TBC1D1: variants seen among roughly 807,000 people sequenced by gnomAD.
TBC1D1 encodes TBC1 (tre-2/USP6, BUB2, cdc16) domain family, member 1.
TBC1D1 carries 89 observed loss-of-function variants against 125.6 expected under a neutral mutation model. The ratio of observed to expected loss-of-function variants is 0.71; its 90% CI spans 0.60 to 0.85. The LOEUF (loss-of-function observed/expected upper bound fraction) is 0.85, where lower values mean the gene tolerates loss of function less well. TBC1D1 is among the 40% of genes least tolerant of loss of function. The pLI, the probability that TBC1D1 is intolerant of heterozygous loss-of-function variation, is 0.00. For missense variants in TBC1D1, 1,377 were observed against 1,469.2 expected, an observed-to-expected ratio of 0.94 and a Z score of 1.03; for synonymous variants, 565 against 564.1, an observed-to-expected ratio of 1.00 and a Z score of -0.02.
At chr4:38,110,326 T>C (rs1761998836) in intron 15 of TBC1D1, 2 of 982,396 alleles carry the variant, frequency 2.0e-6, no homozygotes, top group East Asian at 2.3e-4. Context: ...CTGCTGCTTA[T>C]TGAGTTTCTG....
At chr4:37,981,585 G>A (rs1787549971) in intron 2 of TBC1D1, among the ~76,000 whole-genome samples, 1 of 152,176 alleles carries the variant, frequency 6.6e-6, no homozygotes, top group Non-Finnish European at 1.5e-5. Context: ...GGCTGGGGTG[G>A]TGCAGGGGTG....
At chr4:38,133,403 C>T (rs1765937607) in intron 19 of TBC1D1, 146 bp downstream of exon 21, 9 of 650,574 alleles carry the variant, frequency 1.4e-5, no homozygotes, top group Admixed American at 1.3e-4. Context: ...AAAGGTATCC[C>T]GGGAGAATGG....
Position 38,014,437 on chromosome 4 carries a change from G to A in TBC1D1, c.418-72G>A. On this transcript the variant is annotated intron_variant, in intron 2 of 19. Coordinates refer to ENST00000261439, the MANE Select transcript of TBC1D1 (RefSeq NM_015173.4). The surrounding 1 kb of genome is among the most constrained non-coding windows in gnomAD (Gnocchi z 5.1). ...GTAGCCAGCGGGGCGTCCCGAAAGA[G>A]CATGGTGCATTCATTCCGTGAGTGC... The A allele has an allele frequency of 6.8e-7, 1 of 1,477,560 alleles. No individual in the cohort carries two copies. The highest frequency in any genetic ancestry group is 9.3e-7 in the Non-Finnish European group (1 of 1,071,718). The allele number at this position is 1,477,560 out of a possible 1,614,324, so 91.5% of individuals were successfully genotyped here.
chr4:38,133,330 G>A, intron 19 of TBC1D1, 73 bp downstream of exon 21: 2 of 1,422,536 alleles, frequency 1.4e-6, no homozygotes, highest in Admixed American at 2.0e-5. Flanking sequence ...AAAGGCAACA[G>A]CAGGCTGGGC....
intron 6 of TBC1D1, among the ~76,000 whole-genome samples, chr4:38,022,371 A>G (rs1744227205): frequency 6.6e-6 from 1 of 152,186 alleles, no homozygotes; most frequent in South Asian, 2.1e-4. Context: ...AGGAAAAGGG[A>G]CTATTTATTT....
chr4:37,972,434 T>G (rs552298717), intron 2 of TBC1D1, among the ~76,000 whole-genome samples: 1 of 144,174 alleles, frequency 6.9e-6, no homozygotes, highest in East Asian at 2.1e-4. Context: ...TTAGCTGAGA[T>G]CGTGCCATTG....
intron 12 of TBC1D1, among the ~76,000 whole-genome samples, chr4:38,088,961 G>C (rs1220373129): frequency 6.6e-6 from 1 of 152,084 alleles, no homozygotes; most frequent in Admixed American, 6.5e-5. Context: ...CTATTGAACA[G>C]TACACAGTAA....
chr4:37,895,567 G>T (rs1340068106), intron 1 of TBC1D1, among the ~76,000 whole-genome samples: 1 of 152,158 alleles, frequency 6.6e-6, no homozygotes, highest in African/African-American at 2.4e-5. Context: ...AGCCGGGCAT[G>T]GTAGCACACA....
chr4:37,966,988 A>C (rs1731196771), intron 2 of TBC1D1, among the ~76,000 whole-genome samples: 1 of 152,192 alleles, frequency 6.6e-6, no homozygotes, highest in South Asian at 2.1e-4. Flanking sequence ...TTTTGTAGGA[A>C]TCTTAAGTTA....
chr4:38,002,423 G>T (rs950848816), intron 2 of TBC1D1, among the ~76,000 whole-genome samples: 27 of 152,148 alleles, frequency 1.8e-4, no homozygotes, highest in African/African-American at 6.3e-4. Context: ...TGTTTCTTCT[G>T]CAAATATTTG....
chr4:38,083,717 A>G (rs1756973712), intron 12 of TBC1D1, among the ~76,000 whole-genome samples: 1 of 152,216 alleles, frequency 6.6e-6, no homozygotes, highest in Non-Finnish European at 1.5e-5. Flanking sequence ...AGCCAGGTTC[A>G]ATCCCAGATA....
chr4:38,115,876 G>A lies in TBC1D1; in HGVS notation c.2724G>A (p.Glu908=). The change falls in exon 16 of 20, where the codon GAG becomes GAA. Residue 908 remains glutamate (E), a synonymous_variant. Coordinates refer to ENST00000261439, the MANE Select transcript of TBC1D1 (RefSeq NM_015173.4). ...TGCTTCTTCATATGAGTGAGGAAGA[G>A]GCGTTTAAAATGCTCAAGTTTCTGA... 6.2e-7 allele frequency: 1 copy of A among 1,614,214 alleles called. No homozygotes were observed. The highest frequency in any genetic ancestry group is 8.5e-7 in the Non-Finnish European group (1 of 1,180,034).
chr4:38,109,986 C>T (rs995285929), intron 15 of TBC1D1, among the ~76,000 whole-genome samples: 1 of 152,170 alleles, frequency 6.6e-6, no homozygotes, highest in Non-Finnish European at 1.5e-5. Context: ...TGTCAGATTG[C>T]TGGTTTGCCA....
At position 38,137,452 on chromosome 4, in the gene TBC1D1, C is replaced by T. The variant is rs1430625525; in HGVS notation, c.*117C>T. 9.3e-6 allele frequency: 12 copies of T among 1,296,916 alleles called. No individual in the cohort carries two copies. The highest frequency in any genetic ancestry group is 5.7e-5 in the East Asian group (2 of 34,950). The allele number at this position is 1,296,916 out of a possible 1,614,324, so 80.3% of individuals were successfully genotyped here. Reference sequence around the variant, plus strand: ...GAAGTGTGCTTCTCAGGGAGGAAACCGGCTTGCCAGCAAGTAGATTCTTAC... The same window carrying T: ...GAAGTGTGCTTCTCAGGGAGGAAACTGGCTTGCCAGCAAGTAGATTCTTAC... On this transcript the variant is annotated 3_prime_UTR_variant, in exon 20 of 20. Transcript: ENST00000261439.
chr4:38,020,610 A>G lies in TBC1D1; in HGVS notation c.992A>G (p.His331Arg). ...TGGCAGGGCATCAGACACGTGGACC[A>G]CTTTGGGTTTATCTGTCGGGAGTCT... The change falls in exon 5 of 20, where the codon CAC becomes CGC. Residue 331 changes from histidine to arginine, a missense_variant. Coordinates refer to ENST00000261439, the MANE Select transcript of TBC1D1 (RefSeq NM_015173.4). The G allele has an allele frequency of 6.2e-7, 1 of 1,613,088 alleles. No homozygotes were observed. The highest frequency in any genetic ancestry group is 8.5e-7 in the Non-Finnish European group (1 of 1,179,316).
At chr4:38,136,201 G>A (rs574745009) in intron 19 of TBC1D1, among the ~76,000 whole-genome samples, 1 of 152,176 alleles carries the variant, frequency 6.6e-6, no homozygotes, top group Non-Finnish European at 1.5e-5. Context: ...GAGCAAATTA[G>A]AGAGACGAGG....
At position 38,044,364 on chromosome 4, in the gene TBC1D1, A is replaced by G. The variant is rs1319327841; in HGVS notation, c.1416A>G (p.Thr472=). ...CTTTTCGTTTTTCACTTTTTTAGAC[A>G]TCGCAGATGGCAGCAGAGAATATTG... Residue 472 remains threonine, a splice_region_variant and synonymous_variant, in exon 9 of 20, where the codon ACA becomes ACG. Coordinates refer to ENST00000261439, the MANE Select transcript of TBC1D1 (RefSeq NM_015173.4). 4 of 1,597,210 alleles carry G rather than the reference A, an allele frequency of 2.5e-6. No homozygotes were observed. The highest frequency in any genetic ancestry group is 2.2e-5 in the East Asian group (1 of 44,756).
Position 38,102,981 on chromosome 4 carries a change from C to T in TBC1D1, c.2399-18C>T. Reference sequence around the variant, plus strand: ...TTCTGTGCATAAATTATTTCCATGTCTTCTCTCCCTTTTAAAGGTGTGCCA... The same window carrying T: ...TTCTGTGCATAAATTATTTCCATGTTTTCTCTCCCTTTTAAAGGTGTGCCA... On this transcript the variant is annotated intron_variant, in intron 14 of 19. Transcript: ENST00000261439. The T allele has an allele frequency of 6.2e-7, 1 of 1,606,034 alleles. No homozygotes were observed. Among genetic ancestry groups the T allele is most frequent in the Non-Finnish European group, 8.5e-7 (1 of 1,176,656 alleles).
At chr4:37,959,985 A>C (rs1729657553) in intron 2 of TBC1D1, among the ~76,000 whole-genome samples, 1 of 152,222 alleles carries the variant, frequency 6.6e-6, no homozygotes, top group Non-Finnish European at 1.5e-5. Flanking sequence ...CTGCTTTAGT[A>C]AAAAATGGAA....
Sources: gnomAD v4.1 joint callset for allele counts (sites outside exome capture counted in the v4.1 genomes callset) on GRCh38, gnomAD v4.1.1 for gene constraint, Gnocchi (gnomAD v3.1) non-coding constraint, MANE v1.5 for transcripts, NCBI Gene and HGNC (gene_info 2026-07-23, HGNC 2026-07-21) for gene names.